Variants in IGFBP6 observed in about 807,000 individuals in gnomAD.
IGFBP6 encodes the protein insulin-like growth factor-binding protein 6.
Under a neutral mutation model 24.5 loss-of-function variants are expected in IGFBP6, and 24 were observed. The ratio of observed to expected loss-of-function variants is 0.98; its 90% CI spans 0.71 to 1.38. The LOEUF is 1.38. Ranked by LOEUF, IGFBP6 falls within the 40% of genes most tolerant of loss-of-function variation. The pLI is 0.00. For missense variants in IGFBP6, 331 were observed against 324.8 expected (o/e 1.02, Z -0.15); for synonymous variants, 147 against 137.4 (o/e 1.07, Z -0.49).
Position 53,102,057 on chromosome 12 carries a change from CA to C in IGFBP6, c.614del (p.Gln205ArgfsTer41). 6.2e-7 allele frequency: 1 copy of C among 1,613,764 alleles called. No homozygotes were observed. On this transcript the variant is annotated frameshift_variant, in exon 4 of 4. Transcript: ENST00000301464. LOFTEE classifies it high-confidence loss of function. ...FYRKRQCRSS[Q>X]GQRRGPCWCV... ...CCTCTCTCTCCAGTGCCGCTCCTCC[CA>C]GGGGCAGCGCCGAGGTCCCTGCTGG...
At chr12:53,098,391 C>T (rs1167044654) in intron 1 of IGFBP6, among the ~76,000 whole-genome samples, 3 of 152,276 alleles carry the variant, frequency 2.0e-5, no homozygotes, top group South Asian at 4.1e-4. Context: ...TCCAGCAGGC[C>T]CAGCTCCTAC....
chr12:53,102,261 C>A lies in IGFBP6; in HGVS notation c.*94C>A. On this transcript the variant is annotated 3_prime_UTR_variant, in exon 4 of 4. Coordinates refer to ENST00000301464, the MANE Select transcript of IGFBP6 (RefSeq NM_002178.3). ...CGAGGCCCTCAATCCACCTTCAGGC[C>A]CCGCCCCATGGGCCCCTCACCGCTG... 1 of 1,433,306 alleles carries A rather than the reference C, an allele frequency of 7.0e-7. No homozygotes were observed. 88.8% of individuals were successfully genotyped at this position (1,433,306 alleles called of 1,614,324 possible). A position where few individuals can be genotyped will look rare whatever the true frequency, so the allele number is the denominator to read the frequency against.
chr12:53,100,934 T>A, intron 2 of IGFBP6, 77 bp downstream of exon 2: 1 of 1,606,244 alleles, frequency 6.2e-7, no homozygotes, highest in Non-Finnish European at 8.5e-7. Context: ...CCCTTGGGCT[T>A]GGAGACGTCT....
intron 1 of IGFBP6, chr12:53,098,902 G>A (rs1035250582): frequency 1.3e-5 from 2 of 153,364 alleles, no homozygotes; most frequent in African/African-American, 4.8e-5. Context: ...GAATTCACTT[G>A]GAGTTTCTTT....
At chr12:53,098,886 G>A (rs1199541499) in intron 1 of IGFBP6, 2 of 153,162 alleles carry the variant, frequency 1.3e-5, no homozygotes, top group Non-Finnish European at 2.9e-5. Context: ...CACGGGAGGG[G>A]ATGGAGAATT....
rs760115536 is a variant in IGFBP6, at chr12:53,100,811, C to T, written c.434C>T (p.Thr145Ile). 1 of 1,614,110 alleles carries T rather than the reference C, an allele frequency of 6.2e-7. No individual in the cohort carries two copies. The highest frequency in any genetic ancestry group is 1.3e-5 in the African/African-American group (1 of 74,944). Residue 145 changes from threonine (T) to isoleucine (I), a missense_variant, in exon 2 of 4, where the codon ACC (threonine) becomes ATC (isoleucine). Coordinates refer to ENST00000301464, the MANE Select transcript of IGFBP6 (RefSeq NM_002178.3). Reference sequence around the variant, plus strand: ...CAACAGAGGAATCCAGGCACCTCTACCACGCCCTCCCAGCCCAATTCTGCG... The same window carrying T: ...CAACAGAGGAATCCAGGCACCTCTATCACGCCCTCCCAGCCCAATTCTGCG... ...RDQQRNPGTS[T>I]TPSQPNSAGV...
chr12:53,097,883 G>A lies in IGFBP6; in HGVS notation c.166G>A (p.Gly56Ser). ...EEEDGGSPAEGCAEAEGCLRR... is the reference protein window; with the variant it reads ...EEEDGGSPAESCAEAEGCLRR... ...GGAGGATGGGGGGTCGCCAGCCGAG[G>A]GCTGCGCGGAAGCTGAGGGCTGTCT... The change falls in exon 1 of 4, where the codon GGC becomes AGC. Residue 56 changes from glycine (G) to serine (S), a missense_variant. Gly to Ser is a moderately conservative substitution (Grantham distance 56, BLOSUM62 0). Coordinates refer to ENST00000301464, the MANE Select transcript of IGFBP6 (RefSeq NM_002178.3). 6.6e-7 allele frequency: 1 copy of A among 1,518,310 alleles called. No individual in the cohort carries two copies. Among genetic ancestry groups the A allele is most frequent in the Non-Finnish European group, 8.8e-7 (1 of 1,136,234 alleles). 94.1% of individuals were successfully genotyped at this position (1,518,310 alleles called of 1,614,324 possible).
chr12:53,098,214 A>G (rs1267590784), intron 1 of IGFBP6, among the ~76,000 whole-genome samples, 163 bp downstream of exon 1: 2 of 152,260 alleles, frequency 1.3e-5, no homozygotes, highest in Non-Finnish European at 2.9e-5. Context: ...GGGCAAGTGC[A>G]GGAAGCTGAG....
chr12:53,100,886 G>C (rs1937815274), intron 2 of IGFBP6, 29 bp downstream of exon 2: 2 of 1,613,418 alleles, frequency 1.2e-6, no homozygotes, highest in Non-Finnish European at 1.7e-6. Context: ...GGGAGCAGGA[G>C]GGGTGGGAAG....
At chr12:53,101,962 C>A in intron 3 of IGFBP6, 83 bp from the exon 4 acceptor site, 11 of 760,538 alleles carry the variant, frequency 1.4e-5, no homozygotes, top group Middle Eastern at 5.2e-4. Context: ...GGTGTTTTTA[C>A]ATCCTCAGAC....
rs1233192582 is a variant in IGFBP6 at position 53,101,734 on chromosome 12, T to C, written c.601-311T>C. Among the ~76,000 whole-genome samples the C allele has an allele frequency of 7.3e-5, 11 of 151,600 alleles. No individual in the cohort carries two copies. The South Asian group carries it at 2.3e-3, about 32-fold the overall frequency. On this transcript the variant is annotated intron_variant, in intron 3 of 3. Coordinates refer to ENST00000301464, the MANE Select transcript of IGFBP6 (RefSeq NM_002178.3). ...ACAACCTGGTGAAACCCCATCTGTT[T>C]TAAAAATTACAAAAATTAGCCAGAT...
In IGFBP6 at chr12:53,097,750, GC is replaced by G; in HGVS notation, c.34del (p.Leu12CysfsTer3). ...CCCACAGGCTGCTGCCACCGCTGCT[GC>G]TGCTGCTAGCTCTGCTGCTCGCTGC... ...TPHRLLPPLL[L>X]LLALLLAASP... On this transcript the variant is annotated frameshift_variant, in exon 1 of 4. Coordinates refer to ENST00000301464, the MANE Select transcript of IGFBP6 (RefSeq NM_002178.3). LOFTEE classifies it high-confidence loss of function. The G allele has an allele frequency of 6.5e-7, 1 of 1,545,518 alleles. No individual in the cohort carries two copies.
In IGFBP6 at chr12:53,098,047, T is replaced by C; in HGVS notation, c.330T>C (p.Pro110=). 6.9e-7 allele frequency: 1 copy of C among 1,449,294 alleles called. No individual in the cohort carries two copies. The allele number at this position is 1,449,294 out of a possible 1,614,324, so 89.8% of individuals were successfully genotyped here. The change falls in exon 1 of 4, where the codon CCT becomes CCC. Residue 110 remains proline, a synonymous_variant. Transcript: ENST00000301464. The part of the protein sequence containing the change: ...GRGRCLPARA[P]AVAEENPKES... ...GCCGCTGCCTTCCGGCCCGCGCGCC[T>C]GCTGGTGAGTCCGCGCCCCGCCCCT...
chr12:53,097,831 G>T lies in IGFBP6; in HGVS notation c.114G>T (p.Ala38=), dbSNP rs1280622116. The change falls in exon 1 of 4, where the codon GCG becomes GCT. Residue 38 remains alanine (A), a synonymous_variant. Transcript: ENST00000301464. ...CAGGCTGCGGGCAAGGGGTGCAGGC[G>T]GGTTGTCCAGGGGGCTGCGTGGAGG... is the stretch of plus-strand genomic sequence containing the variant. ...RCPGCGQGVQ[A]GCPGGCVEEE... 1.3e-6 allele frequency: 2 copies of T among 1,536,752 alleles called. 1 individual carries two copies. The highest frequency in any genetic ancestry group is 2.4e-5 in the South Asian group (2 of 83,082).
rs1478873700 is a variant in IGFBP6 at position 53,097,921 on chromosome 12, G to A, written c.204G>A (p.Gly68=). The change falls in exon 1 of 4, where the codon GGG becomes GGA. Residue 68 remains glycine, a synonymous_variant. Coordinates refer to ENST00000301464, the MANE Select transcript of IGFBP6 (RefSeq NM_002178.3). ...CTGAGGGCTGTCTCAGGAGGGAGGG[G>A]CAGGAGTGCGGGGTCTACACCCCTA... The part of the protein sequence containing the change: ...AEAEGCLRRE[G]QECGVYTPNC... 1.3e-6 allele frequency: 2 copies of A among 1,513,962 alleles called. No homozygotes were observed. Among genetic ancestry groups the A allele is most frequent in the Non-Finnish European group, 1.8e-6 (2 of 1,134,678 alleles). 93.8% of individuals were successfully genotyped at this position (1,513,962 alleles called of 1,614,324 possible).
In IGFBP6 at chr12:53,097,987, C is replaced by A. The variant is rs1196459181; in HGVS notation, c.270C>A (p.Asp90Glu). 1.3e-6 allele frequency: 2 copies of A among 1,515,944 alleles called. No individual in the cohort carries two copies. Among genetic ancestry groups the A allele is most frequent in the Admixed American group, 2.1e-5 (1 of 48,060 alleles). The allele number at this position is 1,515,944 out of a possible 1,614,324, so 93.9% of individuals were successfully genotyped here. A position where few individuals can be genotyped will look rare whatever the true frequency, so the allele number is the denominator to read the frequency against. Residue 90 changes from aspartate (D) to glutamate (E), a missense_variant, in exon 1 of 4, where the codon GAC becomes GAA. Asp to Glu is a conservative substitution (Grantham distance 45). Coordinates refer to ENST00000301464, the MANE Select transcript of IGFBP6 (RefSeq NM_002178.3). ...TGCAGTGCCATCCGCCCAAGGACGA[C>A]GAGGCGCCTTTGCGGGCGCTGCTGC... Reference protein sequence around the residue: ...PGLQCHPPKDDEAPLRALLLG... With the variant: ...PGLQCHPPKDEEAPLRALLLG...
intron 1 of IGFBP6, 64 bp from the exon 2 acceptor site, chr12:53,100,648 C>A: frequency 6.4e-7 from 1 of 1,552,970 alleles, no homozygotes; most frequent in Non-Finnish European, 8.9e-7. Flanking sequence ...GTGATGTGGG[C>A]AAGGCCCTTC....
In IGFBP6 at chr12:53,098,010, T is replaced by TGCTCGGCCGAGGCCGCTGCC. The variant is rs1937769765; in HGVS notation, c.294_313dup (p.Leu105ArgfsTer35). On this transcript the variant is annotated frameshift_variant, in exon 1 of 4. Transcript: ENST00000301464. LOFTEE classifies it high-confidence loss of function. ...GACGAGGCGCCTTTGCGGGCGCTGCTGCTCGGCCGAGGCCGCTGCCTTCCG... is the reference window on the plus strand; with the variant it reads ...GACGAGGCGCCTTTGCGGGCGCTGCTGCTCGGCCGAGGCCGCTGCCGCTCGGCCGAGGCCGCTGCCTTCCG... 6.6e-7 allele frequency: 1 copy of TGCTCGGCCGAGGCCGCTGCC among 1,509,604 alleles called. No homozygotes were observed. Among genetic ancestry groups the TGCTCGGCCGAGGCCGCTGCC allele is most frequent in the Non-Finnish European group, 8.8e-7 (1 of 1,137,050 alleles). The allele number at this position is 1,509,604 out of a possible 1,614,324, so 93.5% of individuals were successfully genotyped here.
intron 1 of IGFBP6, 27 bp from the exon 2 acceptor site, chr12:53,100,685 C>G: frequency 6.2e-7 from 1 of 1,613,158 alleles, no homozygotes. Context: ...TGATTTCTGA[C>G]CTCTCCTTCT....
Sources: gnomAD v4.1 joint callset for allele counts (sites outside exome capture counted in the v4.1 genomes callset) on GRCh38, gnomAD v4.1.1 for gene constraint, MANE v1.5 for transcripts, NCBI Gene and HGNC (gene_info 2026-07-23, HGNC 2026-07-21) for gene names.